ANKRD60: variants seen among roughly 807,000 people sequenced by gnomAD.
The protein encoded by ANKRD60 is ankyrin repeat domain 60, also known as ankyrin repeat domain-containing protein 60.
In ANKRD60, 24 loss-of-function variants were observed where a neutral mutation model predicts 21.3. That is an observed-to-expected ratio of 1.13 (90% CI 0.82 to 1.59). ANKRD60 has a LOEUF of 1.59. ANKRD60 is among the 40% of genes most tolerant of loss of function. ANKRD60 has a pLI of 0.00. For synonymous variants in ANKRD60, 182 were observed against 199.4 expected (o/e 0.91, Z 0.74); for missense variants, 490 against 466.7 (o/e 1.05, Z -0.46).
At chr20:58,223,026 A>ACG in intron 2 of ANKRD60, 26 bp downstream of exon 2, 1 of 1,540,048 alleles carries the variant, frequency 6.5e-7, no homozygotes, top group Admixed American at 2.1e-5. Flanking sequence ...AACGTATAAT[A>ACG]TCCATTTAAA....
At chr20:58,221,765 A>C (rs1428802255) in intron 2 of ANKRD60, among the ~76,000 whole-genome samples, 6 of 152,126 alleles carry the variant, frequency 3.9e-5, no homozygotes, top group African/African-American at 1.4e-4. Context: ...TCTTCCTGTC[A>C]ATGTTTTGAA....
intron 1 of ANKRD60, 108 bp from the exon 2 acceptor site, chr20:58,223,290 T>C: frequency 1.0e-6 from 1 of 957,766 alleles, no homozygotes; most frequent in South Asian, 2.0e-5. Context: ...AAGATAATTT[T>C]AGAAATATCG....
At chr20:58,216,789 C>T (rs577774227), downstream of ANKRD60, among the ~76,000 whole-genome samples, 1 of 152,324 alleles carries the variant, frequency 6.6e-6, no homozygotes, top group South Asian at 2.1e-4. Flanking sequence ...GGCCAGGATA[C>T]AGCGCCATTT....
chr20:58,226,961 G>A lies in ANKRD60; in HGVS notation c.430+1263C>T, dbSNP rs142883265. Among the ~76,000 whole-genome samples, 513 of 152,234 alleles carry A rather than the reference G, an allele frequency of 3.4e-3. 4 individuals carry two copies. Among genetic ancestry groups the A allele is most frequent in the African/African-American group, 0.012 (491 of 41,538 alleles). On this transcript the variant is annotated intron_variant, in intron 1 of 3. Coordinates refer to ENST00000457363, the Ensembl canonical transcript of ANKRD60. ...GAATTGGGCAATTGAGGGTCATGAC[G>A]TGGGTAGAGTCTGCTCTGGGATTTA...
chr20:58,219,256 C>A (rs529704649), intron 3 of ANKRD60, among the ~76,000 whole-genome samples: 7 of 152,330 alleles, frequency 4.6e-5, no homozygotes, highest in South Asian at 2.1e-4. Flanking sequence ...CTTTAGGTTT[C>A]ATTTCTTTCC....
At chr20:58,218,476 C>A (rs1276602830), downstream of ANKRD60, 2 of 1,539,100 alleles carry the variant, frequency 1.3e-6, no homozygotes, top group African/African-American at 2.7e-5. Context: ...CCTCAGCGGG[C>A]AAACGTTCCC....
rs1451714486 is a variant in ANKRD60 at position 58,228,543 on chromosome 20, G to A, written c.111C>T (p.Arg37=). 1 of 1,323,056 alleles carries A rather than the reference G, an allele frequency of 7.6e-7. No homozygotes were observed. The highest frequency in any genetic ancestry group is 9.6e-7 in the Non-Finnish European group (1 of 1,040,460). The allele number at this position is 1,323,056 out of a possible 1,614,324, so 82.0% of individuals were successfully genotyped here. A position where few individuals can be genotyped will look rare whatever the true frequency, so the allele number is the denominator to read the frequency against. The change falls in exon 1 of 4, where the codon CGC becomes CGT. Residue 37 remains arginine (R), a synonymous_variant. Coordinates refer to ENST00000457363, the Ensembl canonical transcript of ANKRD60. The surrounding 1 kb of genome is among the most constrained non-coding windows in gnomAD (Gnocchi z 5.3). The stretch of plus-strand genomic sequence containing the variant: ...GAGCCCCGGCCCGCGCACCGCTCCT[G>A]CGTCCCGCATTGGGGTGCAGGCGAG...
Position 58,228,504 on chromosome 20 carries a change from C to T in ANKRD60, c.150G>A (p.Gly50=), listed in dbSNP as rs1481084866. 2 of 1,434,748 alleles carry T rather than the reference C, an allele frequency of 1.4e-6. No individual in the cohort carries two copies. The highest frequency in any genetic ancestry group is 1.8e-6 in the Non-Finnish European group (2 of 1,103,122). 88.9% of individuals were successfully genotyped at this position (1,434,748 alleles called of 1,614,324 possible). A position where few individuals can be genotyped will look rare whatever the true frequency, so the allele number is the denominator to read the frequency against. Residue 50 remains glycine, a synonymous_variant, in exon 1 of 4, where the codon GGG becomes GGA. Transcript: ENST00000457363. This position sits in a 1 kb window ranked among gnomAD's most constrained non-coding sequence, Gnocchi z 5.3. ...GCGAGTCCGCCGAGCCCACCCTGGGCCCGCCGCACCCCTGAGCCCCGGCCC... is the reference window on the plus strand; with the variant it reads ...GCGAGTCCGCCGAGCCCACCCTGGGTCCGCCGCACCCCTGAGCCCCGGCCC...
At chr20:58,219,049 C>T (rs1167193638) in intron 3 of ANKRD60, among the ~76,000 whole-genome samples, 2 of 152,110 alleles carry the variant, frequency 1.3e-5, no homozygotes, top group African/African-American at 4.8e-5. Context: ...TAGGTCTTTC[C>T]CGCTCACTCT....
chr20:58,228,362 C>A lies in ANKRD60; in HGVS notation c.292G>T (p.Val98Leu). The A allele has an allele frequency of 1.9e-6, 3 of 1,550,370 alleles. No individual in the cohort carries two copies. Among genetic ancestry groups the A allele is most frequent in the Middle Eastern group, 1.7e-4 (1 of 5,984 alleles). Residue 98 changes from valine to leucine, a missense_variant, in exon 1 of 4, where the codon GTG (valine) becomes TTG (leucine). Transcript: ENST00000457363. The surrounding 1 kb of genome is among the most constrained non-coding windows in gnomAD (Gnocchi z 5.3). ...ATCTCCCCCGTCTCCTCCAGCCGCA[C>A]CCGCAGGACGAAGACGTCAGGGGCC...
chr20:58,218,406 T>G (rs1984174837), downstream of ANKRD60: 1 of 1,299,096 alleles, frequency 7.7e-7, no homozygotes, highest in Admixed American at 2.4e-5. Context: ...CCTGTTTTCC[T>G]GCCTCCCTGC....
chr20:58,222,851 G>A (rs1349331065), intron 2 of ANKRD60, among the ~76,000 whole-genome samples: 1 of 152,146 alleles, frequency 6.6e-6, no homozygotes, highest in Non-Finnish European at 1.5e-5. Context: ...ATCACAAATC[G>A]ATAAACCCAG....
chr20:58,226,687 G>T (rs1474027629), intron 1 of ANKRD60, among the ~76,000 whole-genome samples: 1 of 152,116 alleles, frequency 6.6e-6, no homozygotes. Context: ...GAGCTTTGGG[G>T]TCCTGCTGTG....
At chr20:58,223,300 G>T in intron 1 of ANKRD60, 118 bp from the exon 2 acceptor site, 2 of 882,964 alleles carry the variant, frequency 2.3e-6, no homozygotes, top group East Asian at 2.8e-5. Context: ...TAGAAATATC[G>T]AATACAAATC....
At chr20:58,216,339 T>C (rs1285946508), downstream of ANKRD60, among the ~76,000 whole-genome samples, 1 of 152,178 alleles carries the variant, frequency 6.6e-6, no homozygotes, top group African/African-American at 2.4e-5. Flanking sequence ...TAGATGAAGA[T>C]AGAATGCTTG....
At chr20:58,227,190 G>A (rs954410889) in intron 1 of ANKRD60, among the ~76,000 whole-genome samples, 9 of 152,154 alleles carry the variant, frequency 5.9e-5, no homozygotes, top group East Asian at 3.8e-4. Context: ...AGCCAGGTTT[G>A]TTCTTGGTTT....
intron 1 of ANKRD60, among the ~76,000 whole-genome samples, chr20:58,227,395 T>C (rs1365724086): frequency 6.6e-6 from 1 of 151,882 alleles, no homozygotes; most frequent in East Asian, 1.9e-4. Flanking sequence ...AAGACAAAAG[T>C]GGCTGGAAAA....
Position 58,228,166 on chromosome 20 carries a change from C to A in ANKRD60, c.430+58G>T. Reference sequence around the variant, plus strand: ...CAGGCTTCCCTTTGGGAATCCACTTCAGAAGTGGACAGGGTGCCCTTGCAT... The same window carrying A: ...CAGGCTTCCCTTTGGGAATCCACTTAAGAAGTGGACAGGGTGCCCTTGCAT... On this transcript the variant is annotated intron_variant, in intron 1 of 3. Transcript: ENST00000457363. The surrounding 1 kb of genome is among the most constrained non-coding windows in gnomAD (Gnocchi z 5.3). 1 of 1,461,266 alleles carries A rather than the reference C, an allele frequency of 6.8e-7. No individual in the cohort carries two copies. Among genetic ancestry groups the A allele is most frequent in the Non-Finnish European group, 9.2e-7 (1 of 1,087,460 alleles). 90.5% of individuals were successfully genotyped at this position (1,461,266 alleles called of 1,614,324 possible). A position where few individuals can be genotyped will look rare whatever the true frequency, so the allele number is the denominator to read the frequency against.
chr20:58,218,635 G>C, exon 4 of ANKRD60: 1 of 1,551,812 alleles, frequency 6.4e-7, no homozygotes, highest in Non-Finnish European at 8.7e-7. Context: ...CTCTCGCTCA[G>C]TGTGTGGTTC....
Sources: gnomAD v4.1 joint callset for allele counts (sites outside exome capture counted in the v4.1 genomes callset) on GRCh38, gnomAD v4.1.1 for gene constraint, Gnocchi (gnomAD v3.1) non-coding constraint, MANE v1.5 for transcripts, NCBI Gene and HGNC (gene_info 2026-07-23, HGNC 2026-07-21) for gene names.